Variants in LRIF1 observed in about 807,000 individuals in gnomAD.
LRIF1 encodes ligand dependent nuclear receptor interacting factor 1, also known as ligand-dependent nuclear receptor-interacting factor 1.
LRIF1 carries 32 observed loss-of-function variants against 52.7 expected under a neutral mutation model. That is an observed-to-expected ratio of 0.61 (90% CI 0.46 to 0.82). The LOEUF is 0.82. LRIF1 is among the 40% of genes least tolerant of loss of function. The pLI is 0.00. For synonymous variants in LRIF1, 323 were observed against 317.4 expected (o/e 1.02, Z -0.19); for missense variants, 887 against 892.0 (o/e 0.99, Z 0.07).
At chr1:110,931,267 G>A in the LRIF1 span, among the ~76,000 whole-genome samples, 1 of 152,122 alleles carries the variant, frequency 6.6e-6, no homozygotes, top group Non-Finnish European at 1.5e-5. Flanking sequence ...AGTTTGCTTA[G>A]AATGATGGTT....
intron 3 of LRIF1, 68 bp downstream of exon 3, chr1:110,949,783 T>C: frequency 1.3e-6 from 2 of 1,491,162 alleles, no homozygotes; most frequent in Non-Finnish European, 1.8e-6. Context: ...TAAAACCAAA[T>C]CAAGAAAAGT....
the LRIF1 span, among the ~76,000 whole-genome samples, chr1:110,901,285 C>G: frequency 6.6e-6 from 1 of 151,760 alleles, no homozygotes; most frequent in Admixed American, 6.6e-5. Flanking sequence ...TCAAGTGATT[C>G]TCCTGCCTCA....
chr1:110,962,977 T>G (rs2101127517), intron 1 of LRIF1, among the ~76,000 whole-genome samples: 1 of 152,136 alleles, frequency 6.6e-6, no homozygotes, highest in East Asian at 1.9e-4. Context: ...CAAGAATATC[T>G]TCCTTAGAAA....
intron 1 of LRIF1, among the ~76,000 whole-genome samples, chr1:110,960,520 CTTAA>C (rs1195348720): frequency 1.3e-5 from 2 of 152,244 alleles, no homozygotes; most frequent in Middle Eastern, 3.4e-3. Context: ...CACATGATGT[CTTAA>C]TTCTTATTAT....
At chr1:110,924,137 A>G in the LRIF1 span, among the ~76,000 whole-genome samples, 1 of 152,156 alleles carries the variant, frequency 6.6e-6, no homozygotes, top group Non-Finnish European at 1.5e-5. Context: ...GAACTGGAAA[A>G]ATTCCTAGGA....
chr1:110,941,990 G>A, the LRIF1 span: 5 of 151,918 alleles, frequency 3.3e-5, no homozygotes, highest in East Asian at 7.7e-4. Flanking sequence ...ACTCTTTTGT[G>A]CTTTGCTTTT....
chr1:110,949,925 A>G lies in LRIF1; in HGVS notation c.1795T>C (p.Ser599Pro), dbSNP rs2232045. 3.6e-3 allele frequency: 5,777 copies of G among 1,614,168 alleles called. 12 individuals carry two copies. The highest frequency in any genetic ancestry group is 7.6e-3 in the African/African-American group (573 of 75,050). ...DHLTSGEGFDSFSSLVKSGTY... is the reference protein window; with the variant it reads ...DHLTSGEGFDPFSSLVKSGTY... ...CCACTCTTTACCAAACTGCTAAAGG[A>G]ATCGAAACCTTCTCCAGAGGTCAAA... Residue 599 changes from serine to proline, a missense_variant, in exon 3 of 4, where the codon TCC (serine) becomes CCC (proline). Coordinates refer to ENST00000369763, the MANE Select transcript of LRIF1 (RefSeq NM_018372.4).
At chr1:110,889,830 A>G in the LRIF1 span, among the ~76,000 whole-genome samples, 1 of 152,188 alleles carries the variant, frequency 6.6e-6, no homozygotes, top group African/African-American at 2.4e-5. Flanking sequence ...AAATCATTAC[A>G]CTTTACTTCT....
At chr1:110,892,648 A>G in the LRIF1 span, 1 of 884,730 alleles carries the variant, frequency 1.1e-6, no homozygotes, top group South Asian at 1.6e-5. Flanking sequence ...GGAAAATGAG[A>G]TTGGTACCTC....
Position 110,949,885 on chromosome 1 carries a change from G to A in LRIF1, c.1835C>T (p.Thr612Ile), listed in dbSNP as rs144495047. The stretch of plus-strand genomic sequence containing the variant: ...CTCTCCTTCCTTCACCATAAACTCT[G>A]TCTCTTTGTAAGTACCACTCTTTAC... Reference protein sequence around the residue: ...SLVKSGTYKETEFMVKEGERK... With the variant: ...SLVKSGTYKEIEFMVKEGERK... The change falls in exon 3 of 4, where the codon ACA becomes ATA. Residue 612 changes from threonine to isoleucine, a missense_variant. Thr to Ile is a moderately conservative substitution (Grantham distance 89). Coordinates refer to ENST00000369763, the MANE Select transcript of LRIF1 (RefSeq NM_018372.4). The A allele has an allele frequency of 5.7e-5, 92 of 1,613,960 alleles. No homozygotes were observed. The African/African-American group carries it at 1.2e-3, about 20-fold the overall frequency.
chr1:110,923,150 A>G, the LRIF1 span, among the ~76,000 whole-genome samples: 2 of 152,052 alleles, frequency 1.3e-5, no homozygotes, highest in African/African-American at 4.8e-5. Context: ...AAATATAAAA[A>G]TTAGCCGGGT....
At chr1:110,955,368 T>C (rs564177962) in intron 1 of LRIF1, among the ~76,000 whole-genome samples, 9 of 152,340 alleles carry the variant, frequency 5.9e-5, no homozygotes, top group South Asian at 4.1e-4. Flanking sequence ...AATACTACAA[T>C]AGCTTCATGA....
chr1:110,935,027 G>C, the LRIF1 span, among the ~76,000 whole-genome samples: 1 of 152,090 alleles, frequency 6.6e-6, no homozygotes, highest in African/African-American at 2.4e-5. Flanking sequence ...AGTGAGGAAA[G>C]AGAACAGGAG....
At chr1:110,920,340 T>C in the LRIF1 span, among the ~76,000 whole-genome samples, 6 of 152,072 alleles carry the variant, frequency 3.9e-5, no homozygotes, top group East Asian at 3.9e-4. Context: ...ATCCAGACAA[T>C]AGAATATTAT....
chr1:110,937,226 T>A, the LRIF1 span: 3 of 152,092 alleles, frequency 2.0e-5, no homozygotes, highest in African/African-American at 7.2e-5. Context: ...ATTGACCAAA[T>A]GGACTTACAG....
At chr1:110,884,024 C>A in the LRIF1 span, among the ~76,000 whole-genome samples, 1 of 151,880 alleles carries the variant, frequency 6.6e-6, no homozygotes. Context: ...GATTTCAGTG[C>A]TTATCTTCAT....
intron 1 of LRIF1, 141 bp from the exon 2 acceptor site, chr1:110,952,956 C>A (rs1658546224): frequency 5.3e-6 from 2 of 375,352 alleles, no homozygotes; most frequent in Non-Finnish European, 4.3e-6. Flanking sequence ...TGAAAGACTG[C>A]AAAACAAATA....
the LRIF1 span, among the ~76,000 whole-genome samples, chr1:110,897,325 G>A: frequency 6.6e-6 from 1 of 152,212 alleles, no homozygotes; most frequent in East Asian, 1.9e-4. Flanking sequence ...CTCCTGAAGG[G>A]GTTTGGAAAT....
the LRIF1 span, among the ~76,000 whole-genome samples, chr1:110,929,029 C>T: frequency 0.058 from 8,795 of 152,082 alleles, 297 homozygotes; most frequent in East Asian, 0.14. Context: ...AAATTGCAAA[C>T]GTAATACAGA....
Sources: allele counts gnomAD v4.1 joint callset (sites outside exome capture counted in the v4.1 genomes callset), GRCh38; gene constraint gnomAD v4.1.1; transcripts MANE v1.5; gene names NCBI Gene and HGNC (gene_info 2026-07-23, HGNC 2026-07-21).